The following C3orf70 variants were observed in gnomAD, a reference collection of about 807,000 sequenced individuals.
The protein encoded by C3orf70 is UPF0524 protein C3orf70.
In C3orf70, 15 loss-of-function variants were observed where a neutral mutation model predicts 20.7. That is an observed-to-expected ratio of 0.72 (90% CI 0.48 to 1.11). The LOEUF is 1.11. Among genes scored for constraint, C3orf70 ranks in the 50% most tolerant of loss-of-function variants. The pLI is 0.00. For missense variants in C3orf70, 332 were observed against 317.6 expected, an observed-to-expected ratio of 1.05 and a Z score of -0.34; for synonymous variants, 161 against 125.7, an observed-to-expected ratio of 1.28 and a Z score of -1.88.
chr3:185,102,478 T>A (rs1385040860), intron 1 of C3orf70, among the ~76,000 whole-genome samples: 1 of 152,188 alleles, frequency 6.6e-6, no homozygotes, highest in Non-Finnish European at 1.5e-5. Context: ...AAAATGGCCA[T>A]ACTGCCCAAA....
chr3:185,113,507 A>C (rs1716117970), intron 1 of C3orf70, among the ~76,000 whole-genome samples: 1 of 152,174 alleles, frequency 6.6e-6, no homozygotes. Context: ...AGTCAGGAAA[A>C]CTTATCCGGT....
chr3:185,113,635 G>GTTAT (rs536293506), intron 1 of C3orf70, among the ~76,000 whole-genome samples: 109 of 152,264 alleles, frequency 7.2e-4, no homozygotes, highest in African/African-American at 2.6e-3. Flanking sequence ...TTGCTAGATA[G>GTTAT]TGCCAAAAGT....
At chr3:185,142,918 T>C (rs757006980) in intron 1 of C3orf70, among the ~76,000 whole-genome samples, 2 of 152,190 alleles carry the variant, frequency 1.3e-5, no homozygotes, top group Non-Finnish European at 2.9e-5. Flanking sequence ...TAACTTGGAC[T>C]CTTCAAAAAA....
At chr3:185,086,189 C>CT (rs1244103021) in intron 1 of C3orf70, among the ~76,000 whole-genome samples, 5 of 151,758 alleles carry the variant, frequency 3.3e-5, no homozygotes, top group African/African-American at 1.2e-4. Context: ...CTCACTCCAT[C>CT]TCTTTTTTTT....
intron 1 of C3orf70, among the ~76,000 whole-genome samples, chr3:185,084,504 T>TC (rs1334984102): frequency 6.6e-6 from 1 of 151,622 alleles, no homozygotes; most frequent in Non-Finnish European, 1.5e-5. Flanking sequence ...AGGAGGTGTC[T>TC]CCCCCGCACC....
chr3:185,081,053 G>A lies in C3orf70; in HGVS notation c.*1954C>T, dbSNP rs1030965337. The A allele has an allele frequency of 6.6e-6, 1 of 152,086 alleles. No individual in the cohort carries two copies. Among genetic ancestry groups the A allele is most frequent in the Non-Finnish European group, 1.5e-5 (1 of 68,036 alleles). 9.4% of individuals were successfully genotyped at this position (152,086 alleles called of 1,614,324 possible). ...CGACTTAAATTATACATACAACTGG[G>A]AAAGCAAATTCTTCCTTGAGTAGTT... On this transcript the variant is annotated 3_prime_UTR_variant, in exon 2 of 2. Transcript: ENST00000335012.
At chr3:185,147,559 G>T (rs1343207590) in intron 1 of C3orf70, among the ~76,000 whole-genome samples, 1 of 152,062 alleles carries the variant, frequency 6.6e-6, no homozygotes, top group African/African-American at 2.4e-5. Flanking sequence ...GTGTAGAATC[G>T]AACAGAGCTA....
chr3:185,104,978 C>T (rs568541049), intron 1 of C3orf70, among the ~76,000 whole-genome samples: 1 of 152,154 alleles, frequency 6.6e-6, no homozygotes, highest in South Asian at 2.1e-4. Context: ...AATAAATATC[C>T]AGCAACTAAC....
chr3:185,117,418 T>TACACAC (rs141665642), intron 1 of C3orf70, among the ~76,000 whole-genome samples: 3 of 135,108 alleles, frequency 2.2e-5, no homozygotes, highest in Non-Finnish European at 3.4e-5. Context: ...ACCACACACA[T>TACACAC]ACACACACAC....
chr3:185,130,199 C>A (rs577029514), intron 1 of C3orf70, among the ~76,000 whole-genome samples: 5 of 152,132 alleles, frequency 3.3e-5, no homozygotes, highest in South Asian at 2.1e-4. Context: ...GCCTGTAATC[C>A]CAGCACTTTG....
In C3orf70 at chr3:185,083,585, C is replaced by T. The variant is rs370381031; in HGVS notation, c.197-22G>A. On this transcript the variant is annotated intron_variant, in intron 1 of 1. Coordinates refer to ENST00000335012, the MANE Select transcript of C3orf70 (RefSeq NM_001025266.3). ...TTGCCTGTGAAGACACAAAAAGACA[C>T]TTGAAATCTATATTACACAAACTAT... 5.2e-6 allele frequency: 8 copies of T among 1,539,642 alleles called. No homozygotes were observed. In the African/African-American group the frequency reaches 1.1e-4, roughly 21 times the overall value.
At chr3:185,103,128 C>T (rs570289534) in intron 1 of C3orf70, among the ~76,000 whole-genome samples, 1 of 152,154 alleles carries the variant, frequency 6.6e-6, no homozygotes, top group South Asian at 2.1e-4. Flanking sequence ...GCCTGTAATC[C>T]CAGCTACTCA....
rs1421688201 is a variant in C3orf70, at chr3:185,081,981, C to T, written c.*1026G>A. 1.3e-5 allele frequency: 2 copies of T among 152,536 alleles called. No homozygotes were observed. Among genetic ancestry groups the T allele is most frequent in the East Asian group, 1.9e-4 (1 of 5,190 alleles). 9.4% of individuals were successfully genotyped at this position (152,536 alleles called of 1,614,324 possible). On this transcript the variant is annotated 3_prime_UTR_variant, in exon 2 of 2. Coordinates refer to ENST00000335012, the MANE Select transcript of C3orf70 (RefSeq NM_001025266.3). Reference sequence around the variant, plus strand: ...AAAGGGCTTCTGTCTGTAGCATTTCCATGCTAACTAAAACTATTAATTTAT... The same window carrying T: ...AAAGGGCTTCTGTCTGTAGCATTTCTATGCTAACTAAAACTATTAATTTAT...
intron 1 of C3orf70, among the ~76,000 whole-genome samples, chr3:185,089,530 T>C (rs995289300): frequency 6.6e-5 from 10 of 152,196 alleles, no homozygotes; most frequent in African/African-American, 1.2e-4. Context: ...AGATTGTTGT[T>C]AAAATACTCC....
intron 1 of C3orf70, among the ~76,000 whole-genome samples, chr3:185,091,928 T>C (rs867230498): frequency 4.8e-4 from 2 of 4,164 alleles, no homozygotes; most frequent in Non-Finnish European, 8.3e-4. Context: ...TATATATATA[T>C]ATATATATAT....
chr3:185,123,178 CAAAAAAAAAAAAAAA>C (rs34803531), intron 1 of C3orf70, among the ~76,000 whole-genome samples: 1 of 91,356 alleles, frequency 1.1e-5, no homozygotes. Flanking sequence ...GACTCCATCT[CAAAAAAAAAAAAAAA>C]AAAAAAATTC....
At chr3:185,128,433 C>G (rs188162042) in intron 1 of C3orf70, among the ~76,000 whole-genome samples, 3 of 151,144 alleles carry the variant, frequency 2.0e-5, no homozygotes, top group African/African-American at 7.3e-5. Flanking sequence ...GAGGCTGAGG[C>G]AGGAGAATCG....
chr3:185,113,135 A>C lies in C3orf70; in HGVS notation c.197-29572T>G, dbSNP rs570157623. ...TATCTATACTAAAGAAAAGATCTACAATATGTAGAAAGTTAATGGCAATGT... is the reference window on the plus strand; with the variant it reads ...TATCTATACTAAAGAAAAGATCTACCATATGTAGAAAGTTAATGGCAATGT... On this transcript the variant is annotated intron_variant, in intron 1 of 1. Coordinates refer to ENST00000335012, the MANE Select transcript of C3orf70 (RefSeq NM_001025266.3). 2.7e-3 allele frequency among the ~76,000 whole-genome samples: 416 copies of C among 152,264 alleles called. 2 individuals carry two copies. The highest frequency in any genetic ancestry group is 9.7e-3 in the African/African-American group (404 of 41,564).
intron 1 of C3orf70, among the ~76,000 whole-genome samples, chr3:185,122,910 C>G (rs1425474053): frequency 6.6e-6 from 1 of 151,802 alleles, no homozygotes; most frequent in Non-Finnish European, 1.5e-5. Context: ...AATCCCAGTA[C>G]TTTGGGAGGC....
Sources: allele counts gnomAD v4.1 joint callset (sites outside exome capture counted in the v4.1 genomes callset), GRCh38; gene constraint gnomAD v4.1.1; transcripts MANE v1.5; gene names NCBI Gene and HGNC (gene_info 2026-07-23, HGNC 2026-07-21).